HUWE1: variants seen among roughly 807,000 people sequenced by gnomAD.
HUWE1 encodes the protein E3 ubiquitin-protein ligase HUWE1.
A neutral mutation model predicts 299.4 loss-of-function variants in HUWE1; 18 were observed. That is an observed-to-expected ratio of 0.06 (90% CI 0.04 to 0.09). The LOEUF (loss-of-function observed/expected upper bound fraction) is 0.09, where lower values mean the gene tolerates loss of function less well. HUWE1 is among the 10% of genes least tolerant of loss of function. The pLI, the probability that HUWE1 is intolerant of heterozygous loss-of-function variation, is 1.00. For synonymous variants in HUWE1, 1,317 were observed against 1,286.1 expected (o/e 1.02, Z -0.51); for missense variants, 1,832 against 3,462.3 (o/e 0.53, Z 11.82).
intron 3 of HUWE1, among the ~76,000 whole-genome samples, chrX:53,659,448 G>T (rs1291585452): frequency 8.9e-6 from 1 of 111,895 alleles, no homozygotes; most frequent in Non-Finnish European, 1.9e-5. Flanking sequence ...GTACAAAAAG[G>T]CTACATACTG....
At chrX:53,594,693 A>G in intron 30 of HUWE1, 72 bp from the exon 31 acceptor site, 2 of 1,080,288 alleles carry the variant, frequency 1.9e-6, no homozygotes, top group Non-Finnish European at 2.6e-6. Flanking sequence ...AAATTCATGT[A>G]AAAGGCAAGA....
rs928537615 is a variant in HUWE1 at position 53,533,250 on chromosome X, C to A, written c.*59G>T. The A allele has an allele frequency of 7.0e-6, 5 of 717,784 alleles. No homozygotes were observed. Among genetic ancestry groups the A allele is most frequent in the Admixed American group, 5.4e-5 (2 of 36,997 alleles). The allele number at this position is 717,784 out of a possible 1,213,427, so 59.2% of individuals were successfully genotyped here. A position where few individuals can be genotyped will look rare whatever the true frequency, so the allele number is the denominator to read the frequency against. ...TTTCTTTCTGGTTCTTTTTTTAACT[C>A]CCCCCTCCCCAGGTCCAACAATGGT... On this transcript the variant is annotated 3_prime_UTR_variant, in exon 84 of 84. Coordinates refer to ENST00000262854, the MANE Select transcript of HUWE1 (RefSeq NM_031407.7).
intron 4 of HUWE1, among the ~76,000 whole-genome samples, chrX:53,651,822 A>G (rs1319690588): frequency 3.6e-5 from 4 of 111,391 alleles, no homozygotes; most frequent in Non-Finnish European, 5.7e-5. Context: ...CCTGGTAACT[A>G]TCATTCTACT....
chrX:53,633,509 A>G (rs2067007644), intron 8 of HUWE1, among the ~76,000 whole-genome samples: 1 of 112,237 alleles, frequency 8.9e-6, no homozygotes, highest in African/African-American at 3.2e-5. Flanking sequence ...GTGGGAAAGT[A>G]ACTTGATCTA....
chrX:53,635,089 G>A (rs2067121443), intron 7 of HUWE1, among the ~76,000 whole-genome samples: 1 of 110,208 alleles, frequency 9.1e-6, no homozygotes, highest in Non-Finnish European at 1.9e-5. Context: ...ATGGGGCAAG[G>A]CATATAGTTC....
chrX:53,654,090 A>G lies in HUWE1; in HGVS notation c.18T>C (p.Thr6=). MKVDR[T]KLKKTPTEAP... ...CCTCAGTAGGTGTCTTCTTCAGTTT[A>G]GTCCTGTCTACTTTCATGATTTCAA... The change falls in exon 4 of 84, where the codon ACT becomes ACC. Residue 6 remains threonine, a synonymous_variant. Coordinates refer to ENST00000262854, the MANE Select transcript of HUWE1 (RefSeq NM_031407.7). The G allele has an allele frequency of 8.4e-7, 1 of 1,189,777 alleles. No individual in the cohort carries two copies. The highest frequency in any genetic ancestry group is 1.1e-6 in the Non-Finnish European group (1 of 876,275).
Position 53,628,756 on chromosome X carries a change from C to T in HUWE1, c.1110G>A (p.Met370Ile). The T allele has an allele frequency of 8.3e-7, 1 of 1,211,707 alleles. No homozygotes were observed. The highest frequency in any genetic ancestry group is 1.1e-6 in the Non-Finnish European group (1 of 895,336). The change falls in exon 14 of 84, where the codon ATG becomes ATA. Residue 370 changes from methionine to isoleucine, a missense_variant. By Grantham distance (10) the Met-to-Ile change is conservative (BLOSUM62 1). Transcript: ENST00000262854. ...ATAATCACCATCAAAACTTACCAATCATGGCCTGGATACAGTTCCTTACAA... is the reference window on the plus strand; with the variant it reads ...ATAATCACCATCAAAACTTACCAATTATGGCCTGGATACAGTTCCTTACAA... The part of the protein sequence containing the change: ...PVLVRNCIQA[M>I]IDPSMDPYPH...
intron 43 of HUWE1, among the ~76,000 whole-genome samples, chrX:53,578,940 C>T (rs1556963231): frequency 8.0e-5 from 5 of 62,640 alleles, no homozygotes; most frequent in African/African-American, 1.9e-4. Context: ...CCGCCCCGTC[C>T]GGGAGGTGAG....
chrX:53,555,033 C>A (rs1409041571), intron 60 of HUWE1, 113 bp from the exon 61 acceptor site: 3 of 539,816 alleles, frequency 5.6e-6, no homozygotes, highest in Non-Finnish European at 2.9e-6. Context: ...CAGTGATCAT[C>A]CCCACAACAA....
intron 43 of HUWE1, among the ~76,000 whole-genome samples, chrX:53,579,413 C>G (rs2063488315): frequency 9.0e-6 from 1 of 111,183 alleles, no homozygotes; most frequent in Non-Finnish European, 1.9e-5. Context: ...AGTGGGGAGC[C>G]CCTCTGCCCG....
chrX:53,648,651 C>CT (rs1259279841), intron 4 of HUWE1, among the ~76,000 whole-genome samples: 93 of 12,541 alleles, frequency 7.4e-3, no homozygotes, highest in African/African-American at 0.024. Flanking sequence ...AGTTAAACAT[C>CT]TAAAAAAAAA....
At chrX:53,535,249 T>C in intron 81 of HUWE1, 135 bp downstream of exon 81, 1 of 530,574 alleles carries the variant, frequency 1.9e-6, no homozygotes, top group African/African-American at 2.2e-5. Flanking sequence ...GTATTTTTGA[T>C]CAAGTGTTTT....
chrX:53,628,820 C>T lies in HUWE1; in HGVS notation c.1046G>A (p.Cys349Tyr). 1 of 1,208,584 alleles carries T rather than the reference C, an allele frequency of 8.3e-7. No homozygotes were observed. Among genetic ancestry groups the T allele is most frequent in the Non-Finnish European group, 1.1e-6 (1 of 892,473 alleles). The change falls in exon 14 of 84, where the codon TGT (cysteine) becomes TAT (tyrosine). Residue 349 changes from cysteine (C) to tyrosine (Y), a missense_variant. Cys to Tyr is a radical substitution (Grantham distance 194, BLOSUM62 -2). Coordinates refer to ENST00000262854, the MANE Select transcript of HUWE1 (RefSeq NM_031407.7). ...RTPKLSSIIDCTGTASYHGFL... is the reference protein window; with the variant it reads ...RTPKLSSIIDYTGTASYHGFL... ...TCCATGGTAGGAGGCAGTTCCAGTA[C>T]AGTCAATAATACTGCTGAGTTTGGG...
intron 68 of HUWE1, 72 bp downstream of exon 68, chrX:53,547,601 C>G: frequency 2.5e-6 from 3 of 1,179,480 alleles, no homozygotes; most frequent in Non-Finnish European, 3.4e-6. Flanking sequence ...GGAGAACTAT[C>G]TGGATGGAAA....
chrX:53,658,005 C>T (rs1291376862), intron 3 of HUWE1, among the ~76,000 whole-genome samples: 1 of 95,133 alleles, frequency 1.1e-5, no homozygotes, highest in Non-Finnish European at 2.1e-5. Context: ...GCTGAGATGG[C>T]GCCACTGCAC....
At chrX:53,665,569 A>G (rs1265346345) in intron 3 of HUWE1, among the ~76,000 whole-genome samples, 1 of 112,063 alleles carries the variant, frequency 8.9e-6, no homozygotes, top group Non-Finnish European at 1.9e-5. Flanking sequence ...GAAGCTGCAG[A>G]TCTGGGAGTT....
rs782577397 is a variant in HUWE1, at chrX:53,555,770, T to G, written c.8207-850A>C. ...AATTCTCCTGCCTCAGCCTCCTGAG[T>G]AGCTGGGACCACAGGCGAGTGTCAC... is the stretch of plus-strand genomic sequence containing the variant. On this transcript the variant is annotated intron_variant, in intron 60 of 83. Transcript: ENST00000262854. Among the ~76,000 whole-genome samples the G allele has an allele frequency of 1.0e-4, 11 of 108,029 alleles. No homozygotes were observed. The East Asian group carries it at 3.2e-3, about 31-fold the overall frequency. The allele number at this position is 108,029 out of a possible 115,157, so 93.8% of individuals were successfully genotyped here.
At chrX:53,584,550 T>TTCCA (rs1390109566) in intron 40 of HUWE1, among the ~76,000 whole-genome samples, 1 of 111,343 alleles carries the variant, frequency 9.0e-6, no homozygotes, top group Non-Finnish European at 1.9e-5. Context: ...ACTGTAGACC[T>TTCCA]TCCAACAGAG....
At position 53,629,576 on chromosome X, in the gene HUWE1, C is replaced by T; in HGVS notation, c.903G>A (p.Leu301=). The T allele has an allele frequency of 8.3e-7, 1 of 1,202,680 alleles. No homozygotes were observed. The highest frequency in any genetic ancestry group is 1.1e-6 in the Non-Finnish European group (1 of 887,347). ...CCAACTCCTCTATCAAGCCATTATACAAGATACTGTTTGCTGATTCCTGCA... is the reference window on the plus strand; with the variant it reads ...CCAACTCCTCTATCAAGCCATTATATAAGATACTGTTTGCTGATTCCTGCA... ...NALQESANSI[L]YNGLIEELVD... The change falls in exon 13 of 84, where the codon TTG becomes TTA. Residue 301 remains leucine (L), a synonymous_variant. Transcript: ENST00000262854.
Sources: allele counts gnomAD v4.1 joint callset (sites outside exome capture counted in the v4.1 genomes callset), GRCh38; gene constraint gnomAD v4.1.1; transcripts MANE v1.5; gene names NCBI Gene and HGNC (gene_info 2026-07-23, HGNC 2026-07-21).